CNIH3: variants seen among roughly 807,000 people sequenced by gnomAD.
CNIH3 encodes cornichon family AMPA receptor auxiliary protein 3.
CNIH3 carries 14 observed loss-of-function variants against 24.1 expected under a neutral mutation model. The ratio of observed to expected loss-of-function variants is 0.58; its 90% CI spans 0.38 to 0.91. CNIH3 has a LOEUF of 0.91. Ranked by LOEUF, CNIH3 falls within the 40% of genes least tolerant of loss-of-function variation. The pLI is 0.00. For missense variants in CNIH3, 178 were observed against 196.8 expected (o/e 0.90, Z 0.57); for synonymous variants, 68 against 73.8 (o/e 0.92, Z 0.40).
chr1:224,477,969 C>A (rs1283254596), intron 1 of CNIH3, among the ~76,000 whole-genome samples: 1 of 152,068 alleles, frequency 6.6e-6, no homozygotes, highest in African/African-American at 2.4e-5. Flanking sequence ...CCCTTTAGCA[C>A]TTTAAATATG....
chr1:224,526,792 C>T (rs767690005), intron 2 of CNIH3, among the ~76,000 whole-genome samples: 1 of 152,108 alleles, frequency 6.6e-6, no homozygotes, highest in Non-Finnish European at 1.5e-5. Context: ...GGAGGCATAG[C>T]GATGGCTTCT....
intron 3 of CNIH3, chr1:224,719,233 C>G (rs554619183): frequency 8.5e-5 from 13 of 152,332 alleles, no homozygotes; most frequent in African/African-American, 3.1e-4. Flanking sequence ...GCACAGACAC[C>G]TACACCTGCA....
intron 1 of CNIH3, among the ~76,000 whole-genome samples, chr1:224,472,107 A>G (rs1468082508): frequency 2.6e-5 from 4 of 152,158 alleles, no homozygotes; most frequent in African/African-American, 9.7e-5. Context: ...TGTCTGGATC[A>G]TATGATAGCT....
At chr1:224,669,251 G>C (rs1247894621) in intron 1 of CNIH3, among the ~76,000 whole-genome samples, 1 of 152,078 alleles carries the variant, frequency 6.6e-6, no homozygotes. Context: ...TAACTAGATG[G>C]GAACCAGGGA....
At chr1:224,574,104 A>T (rs1200991488) in intron 4 of CNIH3, among the ~76,000 whole-genome samples, 1 of 152,150 alleles carries the variant, frequency 6.6e-6, no homozygotes, top group Non-Finnish European at 1.5e-5. Context: ...ACATTTTAAT[A>T]GTATATTTAT....
intron 1 of CNIH3, among the ~76,000 whole-genome samples, chr1:224,502,043 C>T (rs1432283120): frequency 6.6e-6 from 1 of 152,064 alleles, no homozygotes; most frequent in Non-Finnish European, 1.5e-5. Context: ...GGCAGGTGAG[C>T]AGAGGATCCT....
intron 1 of CNIH3, among the ~76,000 whole-genome samples, chr1:224,445,797 G>T (rs1319755508): frequency 6.6e-6 from 1 of 151,996 alleles, no homozygotes. Flanking sequence ...TGCTTTTTGT[G>T]TTTTACTTTA....
chr1:224,527,013 C>T (rs1226275207), intron 2 of CNIH3, among the ~76,000 whole-genome samples: 2 of 152,194 alleles, frequency 1.3e-5, no homozygotes, highest in Non-Finnish European at 2.9e-5. Flanking sequence ...CACCTCCCAT[C>T]AGGCCCGCCT....
chr1:224,523,683 C>T (rs960627734), intron 2 of CNIH3, among the ~76,000 whole-genome samples: 3 of 152,140 alleles, frequency 2.0e-5, no homozygotes, highest in Non-Finnish European at 4.4e-5. Flanking sequence ...GATCTCTGCA[C>T]TTCTCTATAT....
chr1:224,614,790 T>C (rs2125056459), upstream of CNIH3, among the ~76,000 whole-genome samples: 1 of 150,168 alleles, frequency 6.7e-6, no homozygotes, highest in East Asian at 2.0e-4. Flanking sequence ...TTACTAAAAA[T>C]ACAAAGATTA....
intron 3 of CNIH3, among the ~76,000 whole-genome samples, chr1:224,564,960 G>A (rs971936839): frequency 6.6e-6 from 1 of 152,250 alleles, no homozygotes; most frequent in African/African-American, 2.4e-5. Context: ...GTGGGCAGCT[G>A]TCATCCACTG....
At chr1:224,728,408 G>A (rs2060556) in intron 3 of CNIH3, among the ~76,000 whole-genome samples, 6,744 of 152,194 alleles carry the variant, frequency 0.044, 502 homozygotes, top group African/African-American at 0.15. Context: ...CCTGCCAGGT[G>A]GTTGAGATTC....
chr1:224,449,223 C>T (rs2102960597), intron 1 of CNIH3, among the ~76,000 whole-genome samples: 1 of 152,176 alleles, frequency 6.6e-6, no homozygotes, highest in African/African-American at 2.4e-5. Context: ...CTCGGCCTCC[C>T]AAAGTGCTGG....
intron 4 of CNIH3, among the ~76,000 whole-genome samples, chr1:224,581,206 C>G (rs1681261137): frequency 6.6e-6 from 1 of 151,976 alleles, no homozygotes; most frequent in Non-Finnish European, 1.5e-5. Context: ...GTCCTTTTCA[C>G]TTTGTTCTGG....
At chr1:224,715,210 C>T (rs1480394880) in intron 3 of CNIH3, among the ~76,000 whole-genome samples, 1 of 152,164 alleles carries the variant, frequency 6.6e-6, no homozygotes, top group Non-Finnish European at 1.5e-5. Context: ...CAGTGTCTGG[C>T]AGCCATGTCT....
intron 1 of CNIH3, among the ~76,000 whole-genome samples, chr1:224,647,234 C>T (rs935534306): frequency 7.2e-5 from 11 of 152,194 alleles, no homozygotes; most frequent in South Asian, 2.1e-4. Context: ...CCGCTTGCTT[C>T]GGCATCCCAA....
intron 3 of CNIH3, among the ~76,000 whole-genome samples, chr1:224,557,176 G>A (rs1244395655): frequency 6.6e-6 from 1 of 152,082 alleles, no homozygotes; most frequent in Non-Finnish European, 1.5e-5. Context: ...TAGTAGCTGG[G>A]GCCACAGGCA....
upstream of CNIH3, among the ~76,000 whole-genome samples, chr1:224,515,091 G>A (rs1303398334): frequency 1.3e-5 from 2 of 152,206 alleles, no homozygotes; most frequent in Admixed American, 6.5e-5. Context: ...CAAAGTTTTA[G>A]TAGGCAGTGC....
At chr1:224,731,243 A>G (rs1220585840) in intron 4 of CNIH3, among the ~76,000 whole-genome samples, 3 of 152,164 alleles carry the variant, frequency 2.0e-5, no homozygotes, top group Non-Finnish European at 4.4e-5. Context: ...GTACACTTTA[A>G]AAGGGTGACT....
Sources: gnomAD v4.1 joint callset for allele counts (sites outside exome capture counted in the v4.1 genomes callset) on GRCh38, gnomAD v4.1.1 for gene constraint, MANE v1.5 for transcripts, NCBI Gene and HGNC (gene_info 2026-07-23, HGNC 2026-07-21) for gene names.